ADGRV1: variants seen among roughly 807,000 people sequenced by gnomAD.
The protein encoded by ADGRV1 is adhesion G protein-coupled receptor V1.
ADGRV1 carries 359 observed loss-of-function variants against 596.2 expected under a neutral mutation model. The observed-to-expected ratio is 0.60, with a 90% CI of 0.55 to 0.66. ADGRV1 has a LOEUF of 0.66. ADGRV1 is among the 30% of genes least tolerant of loss of function. ADGRV1 has a pLI of 0.00. For synonymous variants in ADGRV1, 2,681 were observed against 2,679.2 expected (o/e 1.00, Z -0.02); for missense variants, 7,274 against 7,575.6 (o/e 0.96, Z 1.48).
rs1233823453 is a variant in ADGRV1, at chr5:90,663,885, CT to C, written c.4752+5609del. Reference sequence around the variant, plus strand: ...TAAATAGGGAATCCTTTCCCCATTGCTTGTTTTTCTCAAGTTTGTCAAAGAT... The same window carrying C: ...TAAATAGGGAATCCTTTCCCCATTGCTGTTTTTCTCAAGTTTGTCAAAGAT... On this transcript the variant is annotated intron_variant, in intron 21 of 89. Transcript: ENST00000405460. 2.0e-5 allele frequency among the ~76,000 whole-genome samples: 3 copies of C among 151,892 alleles called. No homozygotes were observed. In the East Asian group the frequency reaches 5.8e-4, roughly 29 times the overall value.
chr5:90,662,529 T>A (rs964976268), intron 21 of ADGRV1, among the ~76,000 whole-genome samples: 2 of 152,106 alleles, frequency 1.3e-5, no homozygotes, highest in African/African-American at 4.8e-5. Flanking sequence ...TCAGGCGTTA[T>A]GTTATTTCTC....
In ADGRV1 at chr5:90,815,663, C is replaced by A; in HGVS notation, c.16123C>A (p.Gln5375Lys). 2 of 1,580,136 alleles carry A rather than the reference C, an allele frequency of 1.3e-6. No individual in the cohort carries two copies. Among genetic ancestry groups the A allele is most frequent in the East Asian group, 4.6e-5 (2 of 43,606 alleles). ...CATCATAGGATTCAGTGAGGAGTCCCAGAGTGGACTAGAACTCAGGGAAGG... is the reference window on the plus strand; with the variant it reads ...CATCATAGGATTCAGTGAGGAGTCCAAGAGTGGACTAGAACTCAGGGAAGG... Reference protein sequence around the residue: ...NGIIGFSEESQSGLELREGAV... With the variant: ...NGIIGFSEESKSGLELREGAV... Residue 5375 changes from glutamine (Q) to lysine (K), a missense_variant, in exon 75 of 90, where the codon CAG (glutamine) becomes AAG (lysine). Coordinates refer to ENST00000405460, the MANE Select transcript of ADGRV1 (RefSeq NM_032119.4).
chr5:90,614,925 A>T lies in ADGRV1; in HGVS notation c.113A>T (p.Gln38Leu). 6.2e-7 allele frequency: 1 copy of T among 1,603,804 alleles called. No homozygotes were observed. The highest frequency in any genetic ancestry group is 8.5e-7 in the Non-Finnish European group (1 of 1,173,840). ...GAAACAGAAATAAGATTTACTGGAC[A>T]AACTGAATTTGTTGTTAATGAAACA... ...FGETEIRFTG[Q>L]TEFVVNETST... The change falls in exon 2 of 90, where the codon CAA becomes CTA. Residue 38 changes from glutamine to leucine, a missense_variant. By Grantham distance (113) the Gln-to-Leu change is moderately radical. Coordinates refer to ENST00000405460, the MANE Select transcript of ADGRV1 (RefSeq NM_032119.4).
In ADGRV1 at chr5:91,024,563, C is replaced by A. The variant is rs373330886; in HGVS notation, c.18152+39041C>A. Among the ~76,000 whole-genome samples, 27 of 152,158 alleles carry A rather than the reference C, an allele frequency of 1.8e-4. No homozygotes were observed. The South Asian group carries it at 5.4e-3, about 30-fold the overall frequency. The stretch of plus-strand genomic sequence containing the variant: ...AACTACACAAAATGATTTAAAAATA[C>A]AAAGTAAAATTCCTAATCCCTCAAA... On this transcript the variant is annotated intron_variant, in intron 85 of 89. Transcript: ENST00000405460.
intron 87 of ADGRV1, among the ~76,000 whole-genome samples, chr5:91,145,647 C>CAA (rs112071831): frequency 7.7e-6 from 1 of 129,498 alleles, no homozygotes; most frequent in African/African-American, 2.8e-5. Flanking sequence ...TTATTGTTTC[C>CAA]AAAAAAAAAA....
At chr5:90,679,888 T>C (rs1329229214) in intron 26 of ADGRV1, among the ~76,000 whole-genome samples, 1 of 152,180 alleles carries the variant, frequency 6.6e-6, no homozygotes, top group African/African-American at 2.4e-5. Flanking sequence ...CCTAATGTAG[T>C]TTCCTGATTC....
At chr5:90,743,980 C>T (rs1754308810) in intron 50 of ADGRV1, among the ~76,000 whole-genome samples, 1 of 84,472 alleles carries the variant, frequency 1.2e-5, no homozygotes, top group Admixed American at 1.5e-4. Context: ...AGAAGCAACC[C>T]TATTAACTGA....
At chr5:90,739,138 CTGTTTGTTTTTT>C (rs995619909) in intron 50 of ADGRV1, among the ~76,000 whole-genome samples, 6 of 151,694 alleles carry the variant, frequency 4.0e-5, no homozygotes, top group African/African-American at 1.2e-4. Flanking sequence ...TCTAGCGTTT[CTGTTTGTTTTTT>C]TGTTTGTTTT....
chr5:90,596,314 C>A (rs182289544), intron 1 of ADGRV1, among the ~76,000 whole-genome samples: 11,184 of 150,556 alleles, frequency 0.074, 1,404 homozygotes, highest in African/African-American at 0.26. Flanking sequence ...GACTGGGCAA[C>A]CAGGCAGAGG....
intron 84 of ADGRV1, among the ~76,000 whole-genome samples, chr5:90,978,873 A>G (rs570108439): frequency 1.1e-4 from 16 of 152,242 alleles, no homozygotes; most frequent in African/African-American, 3.6e-4. Flanking sequence ...AATTGTGTAC[A>G]TCTTCATTTA....
At chr5:90,732,798 A>G (rs767393167) in intron 50 of ADGRV1, among the ~76,000 whole-genome samples, 39 of 152,360 alleles carry the variant, frequency 2.6e-4, no homozygotes, top group Non-Finnish European at 3.2e-4. Flanking sequence ...CTGTACACTC[A>G]TGAAAGAATG....
In ADGRV1 at chr5:90,863,853, C is replaced by T; in HGVS notation, c.17852C>T (p.Thr5951Ile). 6.2e-7 allele frequency: 1 copy of T among 1,603,142 alleles called. No homozygotes were observed. The highest frequency in any genetic ancestry group is 8.5e-7 in the Non-Finnish European group (1 of 1,170,096). The change falls in exon 83 of 90, where the codon ACA becomes ATA. Residue 5951 changes from threonine to isoleucine, a missense_variant. Thr to Ile is a moderately conservative substitution (Grantham distance 89, BLOSUM62 -1). Around this residue, in one of 5 missense-constraint regions of ADGRV1, gnomAD observed 1,874 missense variants for 1,970.2 expected, o/e 0.95. Transcript: ENST00000405460. ...LTHMMAASLG[T>I]QILFLASAYA... ...CACATGATGGCAGCCAGCTTAGGTACACAGGTAGGAGAGCGCTGGCATTTT... is the reference window on the plus strand; with the variant it reads ...CACATGATGGCAGCCAGCTTAGGTATACAGGTAGGAGAGCGCTGGCATTTT...
At chr5:91,112,199 A>G (rs1792433982) in intron 87 of ADGRV1, among the ~76,000 whole-genome samples, 1 of 152,284 alleles carries the variant, frequency 6.6e-6, no homozygotes, top group Non-Finnish European at 1.5e-5. Flanking sequence ...TCTGCCAGTA[A>G]ACATCTTCCA....
chr5:90,972,300 G>T (rs1045071614), intron 84 of ADGRV1, among the ~76,000 whole-genome samples: 6 of 152,154 alleles, frequency 3.9e-5, no homozygotes, highest in African/African-American at 1.4e-4. Context: ...CAATGAGACA[G>T]AAAGTTAACA....
intron 84 of ADGRV1, among the ~76,000 whole-genome samples, chr5:90,982,543 G>T (rs1240393888): frequency 6.6e-6 from 1 of 152,228 alleles, no homozygotes; most frequent in Non-Finnish European, 1.5e-5. Context: ...CATTGAAATT[G>T]TAAAGGCATT....
intron 87 of ADGRV1, among the ~76,000 whole-genome samples, chr5:91,108,332 C>T (rs374317136): frequency 2.0e-5 from 3 of 152,118 alleles, no homozygotes; most frequent in East Asian, 3.9e-4. Flanking sequence ...TTTCATATTT[C>T]TCTACTGATT....
Position 90,625,111 on chromosome 5 carries a change from A to T in ADGRV1, c.559-19A>T. On this transcript the variant is annotated intron_variant, in intron 5 of 89. Transcript: ENST00000405460. ...GAAGTATTTTGCATTTATTGATGGCATTTTGTGTTTCTTTGCAGGTAGAGG... is the reference window on the plus strand; with the variant it reads ...GAAGTATTTTGCATTTATTGATGGCTTTTTGTGTTTCTTTGCAGGTAGAGG... 1 of 1,465,548 alleles carries T rather than the reference A, an allele frequency of 6.8e-7. No individual in the cohort carries two copies. The highest frequency in any genetic ancestry group is 9.5e-7 in the Non-Finnish European group (1 of 1,049,708). 90.8% of individuals were successfully genotyped at this position (1,465,548 alleles called of 1,614,324 possible).
At chr5:90,837,302 C>A (rs566226301) in intron 77 of ADGRV1, among the ~76,000 whole-genome samples, 1 of 152,042 alleles carries the variant, frequency 6.6e-6, no homozygotes, top group Admixed American at 6.6e-5. Flanking sequence ...TCAAGAAAGA[C>A]CATGTGTTTT....
chr5:90,883,683 C>T (rs537149261), intron 83 of ADGRV1, among the ~76,000 whole-genome samples: 1 of 152,140 alleles, frequency 6.6e-6, no homozygotes, highest in African/African-American at 2.4e-5. Flanking sequence ...CCTTCTCACA[C>T]CCCCATTTCC....
Sources: allele counts gnomAD v4.1 joint callset (sites outside exome capture counted in the v4.1 genomes callset), GRCh38; gene constraint gnomAD v4.1.1; regional missense constraint gnomAD v4.1.1; transcripts MANE v1.5; gene names NCBI Gene and HGNC (gene_info 2026-07-23, HGNC 2026-07-21).